The following TRHDE variants were observed in gnomAD, a reference collection of about 807,000 sequenced individuals.
The protein encoded by TRHDE is thyrotropin-releasing hormone-degrading ectoenzyme.
In TRHDE, 72 loss-of-function variants were observed where a neutral mutation model predicts 125.7. That is an observed-to-expected ratio of 0.57 (90% CI 0.47 to 0.70). TRHDE has a LOEUF of 0.70. Among genes scored for constraint, TRHDE ranks in the 30% least tolerant of loss-of-function variants. The pLI is 0.00. For missense variants in TRHDE, 1,110 were observed against 1,327.1 expected (o/e 0.84, Z 2.54); for synonymous variants, 509 against 509.1 (o/e 1.00, Z 0.00).
At chr12:72,168,946 T>C (rs1466509315) in intron 2 of TRHDE, among the ~76,000 whole-genome samples, 1 of 152,204 alleles carries the variant, frequency 6.6e-6, no homozygotes, top group Non-Finnish European at 1.5e-5. Context: ...CTTTAATAAG[T>C]TATTACATAA....
intron 2 of TRHDE, among the ~76,000 whole-genome samples, chr12:72,194,646 T>G (rs932987679): frequency 1.3e-5 from 2 of 152,174 alleles, no homozygotes; most frequent in Non-Finnish European, 2.9e-5. Context: ...TTTCTGTTCC[T>G]GTGTTAATTT....
chr12:72,134,502 C>A (rs1057037437), intron 2 of TRHDE, among the ~76,000 whole-genome samples: 1 of 152,122 alleles, frequency 6.6e-6, no homozygotes, highest in African/African-American at 2.4e-5. Flanking sequence ...GGTCTCCTTC[C>A]AAGTTCCTAA....
chr12:72,594,691 A>G (rs1871850488), intron 12 of TRHDE, among the ~76,000 whole-genome samples: 4 of 151,768 alleles, frequency 2.6e-5, no homozygotes, highest in Admixed American at 2.6e-4. Flanking sequence ...TTACTTATGA[A>G]CTACTCTAAT....
intron 2 of TRHDE, among the ~76,000 whole-genome samples, chr12:72,145,012 A>G (rs1420703893): frequency 1.3e-5 from 2 of 152,138 alleles, no homozygotes; most frequent in African/African-American, 4.8e-5. Context: ...GAGAGTTTCT[A>G]CAACACAGAT....
At chr12:72,562,739 T>G in intron 8 of TRHDE, 114 bp from the exon 9 acceptor site, 2 of 675,712 alleles carry the variant, frequency 3.0e-6, no homozygotes. Context: ...TTCAATGACT[T>G]TAAATGTTTT....
chr12:72,373,950 G>T (rs1044081733), intron 2 of TRHDE, among the ~76,000 whole-genome samples: 5 of 152,148 alleles, frequency 3.3e-5, no homozygotes, highest in African/African-American at 1.2e-4. Flanking sequence ...AACCAGAAGA[G>T]TGCGTGATTT....
chr12:72,661,452 C>CTA (rs1029489498), intron 18 of TRHDE, among the ~76,000 whole-genome samples: 4 of 151,926 alleles, frequency 2.6e-5, no homozygotes, highest in African/African-American at 9.7e-5. Context: ...TCCGATTGAC[C>CTA]TATAACATGT....
chr12:72,598,541 G>A (rs1268679131), intron 12 of TRHDE, among the ~76,000 whole-genome samples: 4 of 152,128 alleles, frequency 2.6e-5, no homozygotes, highest in African/African-American at 9.7e-5. Context: ...GCGTTAACAA[G>A]TTGGTTGTCC....
chr12:72,451,860 G>A (rs1046586191), intron 3 of TRHDE, among the ~76,000 whole-genome samples: 2 of 151,562 alleles, frequency 1.3e-5, no homozygotes, highest in Non-Finnish European at 2.9e-5. Context: ...ATGGCATCTT[G>A]CTCTGTTGGC....
intron 3 of TRHDE, among the ~76,000 whole-genome samples, chr12:72,429,019 A>G (rs2135838019): frequency 6.6e-6 from 1 of 152,252 alleles, no homozygotes; most frequent in Admixed American, 6.6e-5. Context: ...CAGCCATAAA[A>G]AAGGATGAGC....
chr12:72,088,599 C>A (rs556233908), intron 1 of TRHDE, among the ~76,000 whole-genome samples: 1 of 151,778 alleles, frequency 6.6e-6, no homozygotes, highest in Non-Finnish European at 1.5e-5. Flanking sequence ...CTTTGCTGCG[C>A]CTCGGTTCTC....
chr12:72,634,782 G>C (rs1433451044), intron 15 of TRHDE, among the ~76,000 whole-genome samples: 2 of 150,938 alleles, frequency 1.3e-5, no homozygotes, highest in Non-Finnish European at 2.9e-5. Context: ...ATAGTTTACT[G>C]AGAATGATGA....
chr12:72,379,068 T>C (rs1223074313), intron 3 of TRHDE, among the ~76,000 whole-genome samples: 1 of 152,208 alleles, frequency 6.6e-6, no homozygotes, highest in Non-Finnish European at 1.5e-5. Context: ...TAAAGGTATT[T>C]CTCATTGGCA....
chr12:72,481,761 C>A (rs1877186043), intron 5 of TRHDE, among the ~76,000 whole-genome samples: 1 of 151,830 alleles, frequency 6.6e-6, no homozygotes, highest in Non-Finnish European at 1.5e-5. Flanking sequence ...ATGTCTTTAG[C>A]TTTGTACCTT....
chr12:72,470,105 T>C (rs936307361), intron 4 of TRHDE, among the ~76,000 whole-genome samples, 193 bp downstream of exon 4: 1 of 152,222 alleles, frequency 6.6e-6, no homozygotes, highest in Non-Finnish European at 1.5e-5. Flanking sequence ...ACACTGATCG[T>C]ATTGAGTAAG....
intron 9 of TRHDE, among the ~76,000 whole-genome samples, chr12:72,568,267 A>T (rs1478282316): frequency 1.3e-5 from 2 of 152,066 alleles, no homozygotes; most frequent in Non-Finnish European, 2.9e-5. Context: ...AGGTGTATAG[A>T]TATTAGGTAC....
intron 2 of TRHDE, among the ~76,000 whole-genome samples, chr12:72,144,566 A>G (rs938145828): frequency 2.6e-5 from 4 of 152,212 alleles, no homozygotes; most frequent in Non-Finnish European, 5.9e-5. Flanking sequence ...TGTGGCTATC[A>G]TAAGCTACTA....
chr12:72,484,166 CTTAA>C (rs1442484286), intron 5 of TRHDE, among the ~76,000 whole-genome samples: 1 of 151,936 alleles, frequency 6.6e-6, no homozygotes, highest in African/African-American at 2.4e-5. Flanking sequence ...ATTAAAATGC[CTTAA>C]TTCTCTCAAG....
At chr12:72,122,209 G>A (rs1322100163) in intron 2 of TRHDE, among the ~76,000 whole-genome samples, 1 of 151,938 alleles carries the variant, frequency 6.6e-6, no homozygotes, top group Non-Finnish European at 1.5e-5. Flanking sequence ...ACTTCAGGCC[G>A]AGCTCTGGAG....
Sources: allele counts gnomAD v4.1 joint callset (sites outside exome capture counted in the v4.1 genomes callset), GRCh38; gene constraint gnomAD v4.1.1; transcripts MANE v1.5; gene names NCBI Gene and HGNC (gene_info 2026-07-23, HGNC 2026-07-21).